Variants in CBLB observed in about 807,000 individuals in gnomAD.
The protein encoded by CBLB is Cbl proto-oncogene B.
A neutral mutation model predicts 104.9 loss-of-function variants in CBLB; 31 were observed. The observed-to-expected ratio is 0.30, with a 90% CI of 0.22 to 0.40. CBLB has a LOEUF of 0.40. Among genes scored for constraint, CBLB ranks in the 10% least tolerant of loss-of-function variants. The pLI is 1.00. For synonymous variants in CBLB, 440 were observed against 422.6 expected (o/e 1.04, Z -0.51); for missense variants, 1,062 against 1,214.6 (o/e 0.87, Z 1.87).
intron 3 of CBLB, among the ~76,000 whole-genome samples, chr3:105,852,944 C>T (rs551624976): frequency 8.6e-5 from 13 of 151,966 alleles, no homozygotes; most frequent in South Asian, 2.1e-4. Context: ...CTCGAACTCC[C>T]GACCTCAAGT....
intron 18 of CBLB, among the ~76,000 whole-genome samples, chr3:105,666,411 C>T (rs1035435175): frequency 2.6e-5 from 4 of 152,074 alleles, no homozygotes; most frequent in South Asian, 4.2e-4. Context: ...CTGCTGGCCA[C>T]GCGCAGTGGC....
At chr3:105,846,875 T>C (rs2090320386) in intron 3 of CBLB, among the ~76,000 whole-genome samples, 2 of 152,212 alleles carry the variant, frequency 1.3e-5, no homozygotes, top group East Asian at 1.9e-4. Flanking sequence ...AATCTCTTTA[T>C]ATGGTAAACT....
In CBLB at chr3:105,840,271, C is replaced by T. The variant is rs145745234; in HGVS notation, c.419+13143G>A. On this transcript the variant is annotated intron_variant, in intron 3 of 18. Coordinates refer to ENST00000394030, the MANE Select transcript of CBLB (RefSeq NM_170662.5). ...AAAAAGTTACAAGTAATATTTCACA[C>T]ATGTATATACATAAACAGAGTGAGA... 3.2e-3 allele frequency among the ~76,000 whole-genome samples: 489 copies of T among 152,018 alleles called. 3 individuals are homozygous for T. Among genetic ancestry groups the T allele is most frequent in the African/African-American group, 0.011 (461 of 41,432 alleles).
At chr3:105,828,415 T>C (rs1260356590) in intron 3 of CBLB, among the ~76,000 whole-genome samples, 1 of 152,214 alleles carries the variant, frequency 6.6e-6, no homozygotes, top group Non-Finnish European at 1.5e-5. Flanking sequence ...ACAAAACAAT[T>C]TTCATTAAAT....
intron 3 of CBLB, among the ~76,000 whole-genome samples, chr3:105,806,721 G>A (rs534477620): frequency 5.5e-4 from 84 of 152,048 alleles, no homozygotes; most frequent in Non-Finnish European, 9.7e-4. Flanking sequence ...TTAATTTTCA[G>A]TGGCAAATTG....
intron 3 of CBLB, among the ~76,000 whole-genome samples, chr3:105,795,347 G>C (rs1036009652): frequency 1.3e-5 from 2 of 152,064 alleles, no homozygotes; most frequent in African/African-American, 4.8e-5. Flanking sequence ...AATGTTGATC[G>C]AAAGAAACCA....
At chr3:105,755,020 T>C (rs111342574) in intron 4 of CBLB, among the ~76,000 whole-genome samples, 4 of 27,210 alleles carry the variant, frequency 1.5e-4, no homozygotes, top group African/African-American at 4.9e-4. Flanking sequence ...TCTTTTCTTT[T>C]TTTTTTTTTT....
At chr3:105,768,762 G>C (rs543955168) in intron 4 of CBLB, among the ~76,000 whole-genome samples, 6 of 152,074 alleles carry the variant, frequency 3.9e-5, no homozygotes, top group Non-Finnish European at 7.4e-5. Flanking sequence ...CCAAAGTATA[G>C]AGTAATTAAC....
Position 105,702,416 on chromosome 3 carries a change from G to A in CBLB, c.1637C>T (p.Ala546Val), listed in dbSNP as rs2152781179. ...MVRKQDKPLP[A>V]PPPPLRDPPP... Reference sequence around the variant, plus strand: ...AGGATCTCTTAAGGGAGGAGGTGGTGCTGGGAGTGGTTTATCTTGTTTTCT... The same window carrying A: ...AGGATCTCTTAAGGGAGGAGGTGGTACTGGGAGTGGTTTATCTTGTTTTCT... Residue 546 changes from alanine to valine, a missense_variant, in exon 12 of 19, where the codon GCA (alanine) becomes GTA (valine). Transcript: ENST00000394030. 6.3e-7 allele frequency: 1 copy of A among 1,586,004 alleles called. No individual in the cohort carries two copies. Among genetic ancestry groups the A allele is most frequent in the Non-Finnish European group, 8.6e-7 (1 of 1,164,612 alleles).
chr3:105,851,368 TGGGTTCAG>T (rs1452231245), intron 3 of CBLB, among the ~76,000 whole-genome samples: 1 of 150,454 alleles, frequency 6.6e-6, no homozygotes, highest in East Asian at 2.1e-4. Flanking sequence ...GCGGTTGCCA[TGGGTTCAG>T]GGGGGGAAGT....
intron 10 of CBLB, among the ~76,000 whole-genome samples, chr3:105,708,692 A>G (rs929133055): frequency 6.6e-6 from 1 of 151,958 alleles, no homozygotes; most frequent in African/African-American, 2.4e-5. Flanking sequence ...TGAAAATGTC[A>G]CCACCTATTG....
intron 4 of CBLB, among the ~76,000 whole-genome samples, chr3:105,755,152 A>G (rs2076975571): frequency 1.3e-5 from 2 of 151,836 alleles, no homozygotes; most frequent in African/African-American, 2.4e-5. Context: ...AGCATTAGGT[A>G]TATCTCCCAA....
intron 3 of CBLB, among the ~76,000 whole-genome samples, chr3:105,778,380 C>T (rs1213554436): frequency 1.3e-5 from 2 of 151,982 alleles, no homozygotes; most frequent in Non-Finnish European, 2.9e-5. Flanking sequence ...ATTTAATATG[C>T]ACCTGACAAT....
intron 6 of CBLB, among the ~76,000 whole-genome samples, chr3:105,743,562 A>G (rs1032433885): frequency 1.3e-5 from 2 of 151,900 alleles, no homozygotes; most frequent in African/African-American, 2.4e-5. Flanking sequence ...CTTGTCACCT[A>G]ATGAATACTT....
At chr3:105,864,867 TTAC>T (rs2092333227) in intron 2 of CBLB, among the ~76,000 whole-genome samples, 1 of 152,204 alleles carries the variant, frequency 6.6e-6, no homozygotes, top group African/African-American at 2.4e-5. Flanking sequence ...AATAGTTATT[TTAC>T]TTTATTGGTA....
intron 3 of CBLB, among the ~76,000 whole-genome samples, chr3:105,804,419 G>A (rs984095690): frequency 6.6e-6 from 1 of 151,896 alleles, no homozygotes; most frequent in Non-Finnish European, 1.5e-5. Context: ...TACTAGGGAG[G>A]CTAGGGTGTG....
chr3:105,758,070 T>C (rs891405768), intron 4 of CBLB, among the ~76,000 whole-genome samples: 1 of 152,222 alleles, frequency 6.6e-6, no homozygotes, highest in South Asian at 2.1e-4. Flanking sequence ...TGACATTTTG[T>C]ATACAGTTAT....
chr3:105,788,672 T>A (rs1043462382), intron 3 of CBLB, among the ~76,000 whole-genome samples: 4 of 152,198 alleles, frequency 2.6e-5, no homozygotes, highest in African/African-American at 7.2e-5. Context: ...TTGTAAAGGA[T>A]TGAGTACTTA....
Position 105,658,994 on chromosome 3 carries a change from T to G in CBLB, c.2925A>C (p.Pro975=). 6.2e-7 allele frequency: 1 copy of G among 1,614,000 alleles called. No homozygotes were observed. The highest frequency in any genetic ancestry group is 8.5e-7 in the Non-Finnish European group (1 of 1,179,912). Residue 975 remains proline (P), a synonymous_variant, in exon 19 of 19, where the codon CCA becomes CCC. Coordinates refer to ENST00000394030, the MANE Select transcript of CBLB (RefSeq NM_170662.5). The stretch of plus-strand genomic sequence containing the variant: ...GCTATAGATTTAGACGTGGGGATAC[T>G]GGAGGAGGGAAGGCAAATTCTCGGA... ...SILREFAFPP[P]VSPRLNL
Sources: gnomAD v4.1 joint callset for allele counts (sites outside exome capture counted in the v4.1 genomes callset) on GRCh38, gnomAD v4.1.1 for gene constraint, MANE v1.5 for transcripts, NCBI Gene and HGNC (gene_info 2026-07-23, HGNC 2026-07-21) for gene names.